The following SCFD2 variants were observed in gnomAD, a reference collection of about 807,000 sequenced individuals.
SCFD2 encodes the protein sec1 family domain containing 2.
In SCFD2, 54 loss-of-function variants were observed where a neutral mutation model predicts 58.9. The ratio of observed to expected loss-of-function variants is 0.92; its 90% CI spans 0.74 to 1.15. The LOEUF is 1.15. Ranked by LOEUF, SCFD2 falls within the 50% of genes most tolerant of loss-of-function variation. The pLI, the probability that SCFD2 is intolerant of heterozygous loss-of-function variation, is 0.00. For synonymous variants in SCFD2, 321 were observed against 335.9 expected (o/e 0.96, Z 0.49); for missense variants, 805 against 836.6 (o/e 0.96, Z 0.47).
chr4:53,216,605 ATTC>A (rs201908042), intron 4 of SCFD2, among the ~76,000 whole-genome samples: 17,104 of 151,904 alleles, frequency 0.11, 1,030 homozygotes, highest in East Asian at 0.23. Flanking sequence ...CAGCTCCTGG[ATTC>A]ATTGATTTTT....
chr4:52,899,729 A>G (rs1282988574), intron 7 of SCFD2, among the ~76,000 whole-genome samples: 1 of 152,168 alleles, frequency 6.6e-6, no homozygotes, highest in Non-Finnish European at 1.5e-5. Context: ...CTCCTGGATA[A>G]TATCCTGCAG....
intron 4 of SCFD2, among the ~76,000 whole-genome samples, chr4:53,220,135 C>G (rs1729005120): frequency 6.6e-6 from 1 of 152,210 alleles, no homozygotes; most frequent in African/African-American, 2.4e-5. Flanking sequence ...CATTCTGTAT[C>G]TGATAGCTTT....
intron 4 of SCFD2, among the ~76,000 whole-genome samples, chr4:53,150,136 A>G (rs1726463145): frequency 6.6e-6 from 1 of 152,180 alleles, no homozygotes; most frequent in South Asian, 2.1e-4. Context: ...CTATCTTGGG[A>G]ACTTTTCTGT....
chr4:52,935,333 A>T (rs554589805), intron 5 of SCFD2, among the ~76,000 whole-genome samples: 12 of 152,200 alleles, frequency 7.9e-5, no homozygotes, highest in Non-Finnish European at 1.8e-4. Flanking sequence ...TAAGTGTTTA[A>T]TTAACAACAA....
intron 4 of SCFD2, among the ~76,000 whole-genome samples, chr4:53,262,064 T>C (rs1730844883): frequency 1.3e-5 from 2 of 152,312 alleles, no homozygotes; most frequent in African/African-American, 4.8e-5. Flanking sequence ...GATATAAGAA[T>C]AGCTACTCCT....
intron 3 of SCFD2, among the ~76,000 whole-genome samples, chr4:53,299,479 C>T (rs1732186244): frequency 6.6e-6 from 1 of 152,256 alleles, no homozygotes; most frequent in Middle Eastern, 3.4e-3. Flanking sequence ...GATTGGTGTA[C>T]CTGAAAGTGA....
chr4:53,084,205 A>T (rs1376279076), intron 5 of SCFD2, among the ~76,000 whole-genome samples: 1 of 152,156 alleles, frequency 6.6e-6, no homozygotes, highest in African/African-American at 2.4e-5. Flanking sequence ...GTGGCCGTTT[A>T]TGGACCTCCC....
chr4:53,235,273 G>A (rs1577874634), intron 4 of SCFD2, among the ~76,000 whole-genome samples: 1 of 152,284 alleles, frequency 6.6e-6, no homozygotes, highest in African/African-American at 2.4e-5. Flanking sequence ...AGAACATAAA[G>A]AAGCCTCTCT....
intron 7 of SCFD2, among the ~76,000 whole-genome samples, chr4:52,904,407 C>G (rs776444212): frequency 6.6e-6 from 1 of 152,188 alleles, no homozygotes; most frequent in Non-Finnish European, 1.5e-5. Flanking sequence ...AGCAGAGCAG[C>G]AAGCGACAAG....
At chr4:53,131,158 A>G (rs1379781474) in intron 5 of SCFD2, among the ~76,000 whole-genome samples, 3 of 152,238 alleles carry the variant, frequency 2.0e-5, no homozygotes, top group Non-Finnish European at 4.4e-5. Context: ...TGTGGGCTCT[A>G]CTTTGTTCTT....
chr4:53,071,489 A>G (rs1723813488), intron 5 of SCFD2, among the ~76,000 whole-genome samples: 1 of 152,146 alleles, frequency 6.6e-6, no homozygotes, highest in Admixed American at 6.6e-5. Flanking sequence ...CTTTGTAATT[A>G]ACAAATTTTT....
intron 5 of SCFD2, among the ~76,000 whole-genome samples, chr4:53,005,072 A>G (rs1721943700): frequency 6.6e-6 from 1 of 152,028 alleles, no homozygotes; most frequent in Non-Finnish European, 1.5e-5. Flanking sequence ...TAATTTTTGT[A>G]TTTTTAGTAG....
At chr4:53,128,054 A>C (rs1451854429) in intron 5 of SCFD2, among the ~76,000 whole-genome samples, 1 of 136,654 alleles carries the variant, frequency 7.3e-6, no homozygotes, top group Non-Finnish European at 1.6e-5. Flanking sequence ...TGTCCTAAAA[A>C]AAAAAAAAAA....
At chr4:53,180,608 A>G (rs1212549674) in intron 4 of SCFD2, among the ~76,000 whole-genome samples, 1 of 152,212 alleles carries the variant, frequency 6.6e-6, no homozygotes, top group African/African-American at 2.4e-5. Flanking sequence ...AAGCAAGAGC[A>G]AACACATTCA....
intron 2 of SCFD2, among the ~76,000 whole-genome samples, chr4:53,335,194 C>CAAAAAAAAAAAAAAAAAAAAAAAAA (rs56344451): frequency 3.7e-5 from 3 of 80,606 alleles, no homozygotes; most frequent in Non-Finnish European, 6.1e-5. Flanking sequence ...GACTCCGTCT[C>CAAAAAAAAAAAAAAAAAAAAAAAAA]AAAAAAAAAA....
intron 5 of SCFD2, among the ~76,000 whole-genome samples, chr4:53,116,895 G>C (rs554381566): frequency 6.6e-6 from 1 of 152,282 alleles, no homozygotes; most frequent in South Asian, 2.1e-4. Context: ...AGCAACCACA[G>C]AGCCTCTAAG....
In SCFD2 at chr4:52,921,671, G is replaced by A. The variant is rs542164680; in HGVS notation, c.1562-801C>T. 1.1e-4 allele frequency among the ~76,000 whole-genome samples: 17 copies of A among 152,202 alleles called. 1 individual carries two copies. In the South Asian group the frequency reaches 3.1e-3, roughly 28 times the overall value. On this transcript the variant is annotated intron_variant, in intron 5 of 8. Coordinates refer to ENST00000401642, the MANE Select transcript of SCFD2 (RefSeq NM_152540.4). The stretch of plus-strand genomic sequence containing the variant: ...GGTTAAGTAACACCCCTGTGTCAAG[G>A]ATTGCCAAGGCCCTGCCCATACCCA...
At chr4:53,228,535 T>A (rs1233213277) in intron 4 of SCFD2, among the ~76,000 whole-genome samples, 1 of 152,182 alleles carries the variant, frequency 6.6e-6, no homozygotes, top group East Asian at 1.9e-4. Flanking sequence ...ATATCTCAGA[T>A]ATTGAAATAA....
At chr4:52,901,806 C>A (rs1035571849) in intron 7 of SCFD2, among the ~76,000 whole-genome samples, 1 of 152,180 alleles carries the variant, frequency 6.6e-6, no homozygotes, top group Admixed American at 6.5e-5. Context: ...GTAAGTTCAA[C>A]CAGTTGCAAT....
Sources: gnomAD v4.1 joint callset for allele counts (sites outside exome capture counted in the v4.1 genomes callset) on GRCh38, gnomAD v4.1.1 for gene constraint, MANE v1.5 for transcripts, NCBI Gene and HGNC (gene_info 2026-07-23, HGNC 2026-07-21) for gene names.